The following MPHOSPH10 variants were observed in gnomAD, a reference collection of about 807,000 sequenced individuals.
MPHOSPH10 encodes M-phase phosphoprotein 10, also known as U3 small nucleolar ribonucleoprotein MPP10.
In MPHOSPH10, 33 loss-of-function variants were observed where a neutral mutation model predicts 77.3. The ratio of observed to expected loss-of-function variants is 0.43; its 90% CI spans 0.32 to 0.57. The LOEUF is 0.57. Among genes scored for constraint, MPHOSPH10 ranks in the 20% least tolerant of loss-of-function variants. The probability of loss-of-function intolerance (pLI) is 0.07; values close to 1 mark genes in which losing one functional copy is unlikely to be tolerated. For missense variants in MPHOSPH10, 708 were observed against 780.1 expected (o/e 0.91, Z 1.10); for synonymous variants, 245 against 268.0 (o/e 0.91, Z 0.84).
intron 5 of MPHOSPH10, chr2:71,139,336 A>C (rs1673565559): frequency 1.3e-5 from 2 of 156,786 alleles, no homozygotes; most frequent in African/African-American, 4.8e-5. Context: ...CCTAATGTAT[A>C]GTTTGTAATC....
chr2:71,148,976 C>T (rs1233076101), intron 9 of MPHOSPH10: 3 of 504,046 alleles, frequency 6.0e-6, no homozygotes, highest in Non-Finnish European at 7.0e-6. Context: ...ATGTTGCCTT[C>T]TTGTGAATTA....
chr2:71,131,511 C>T (rs760230773), intron 1 of MPHOSPH10, among the ~76,000 whole-genome samples: 59 of 152,334 alleles, frequency 3.9e-4, no homozygotes, highest in Admixed American at 1.1e-3. Flanking sequence ...CTGTCAAGCG[C>T]GTCTGTGTGA....
Position 71,138,522 on chromosome 2 carries a change from G to T in MPHOSPH10, c.1131G>T (p.Glu377Asp). 6.3e-7 allele frequency: 1 copy of T among 1,597,918 alleles called. No homozygotes were observed. The highest frequency in any genetic ancestry group is 8.5e-7 in the Non-Finnish European group (1 of 1,173,704). ...MNEKIASLEK[E>D]LLEKKPWQLQ... ...AAAAAATTGCATCTTTAGAAAAAGA[G>T]TTGTTAGAAAAAAAGCCGTGGCAGC... is the stretch of plus-strand genomic sequence containing the variant. Residue 377 changes from glutamate (E) to aspartate (D), a missense_variant, in exon 5 of 11, where the codon GAG becomes GAT. Around this residue, in one of 3 missense-constraint regions of MPHOSPH10, gnomAD observed 433 missense variants for 432.6 expected, o/e 1.00. Transcript: ENST00000244230.
intron 6 of MPHOSPH10, among the ~76,000 whole-genome samples, chr2:71,140,881 TG>T (rs1673598103): frequency 6.6e-6 from 1 of 152,102 alleles, no homozygotes; most frequent in Non-Finnish European, 1.5e-5. Context: ...TTAAACAAAC[TG>T]TGATGGGGAA....
chr2:71,147,551 T>C (rs997311365), intron 8 of MPHOSPH10, among the ~76,000 whole-genome samples: 1 of 152,012 alleles, frequency 6.6e-6, no homozygotes, highest in Non-Finnish European at 1.5e-5. Context: ...CAGGCGCCTG[T>C]AGTCCCAGCT....
intron 1 of MPHOSPH10, among the ~76,000 whole-genome samples, chr2:71,131,056 T>A (rs1380445361): frequency 6.6e-6 from 1 of 152,188 alleles, no homozygotes; most frequent in African/African-American, 2.4e-5. Context: ...TGGTTTCTCC[T>A]TCCTCCTATG....
chr2:71,143,146 CTT>C (rs776519742), intron 7 of MPHOSPH10, among the ~76,000 whole-genome samples: 16 of 140,818 alleles, frequency 1.1e-4, no homozygotes, highest in African/African-American at 1.0e-4. Context: ...TCTTTTTTTT[CTT>C]TTTTTTTTTT....
intron 8 of MPHOSPH10, among the ~76,000 whole-genome samples, chr2:71,147,015 T>G (rs1369853310): frequency 6.6e-6 from 1 of 152,228 alleles, no homozygotes; most frequent in African/African-American, 2.4e-5. Context: ...TCAATTAACA[T>G]TGCATTCTTT....
chr2:71,146,526 C>T (rs187953316), intron 8 of MPHOSPH10, among the ~76,000 whole-genome samples: 8 of 152,006 alleles, frequency 5.3e-5, no homozygotes, highest in Admixed American at 2.6e-4. Context: ...TTAGTAGAGA[C>T]GGGGTTTCAC....
intron 4 of MPHOSPH10, among the ~76,000 whole-genome samples, chr2:71,135,619 C>T (rs1258196593): frequency 6.8e-6 from 1 of 147,150 alleles, no homozygotes; most frequent in Non-Finnish European, 1.5e-5. Context: ...TAGCATGTCT[C>T]TCCTGATAAA....
At position 71,133,023 on chromosome 2, in the gene MPHOSPH10, A is replaced by G; in HGVS notation, c.215A>G (p.Asp72Gly). The change falls in exon 2 of 11, where the codon GAT (aspartate) becomes GGT (glycine). Residue 72 changes from aspartate to glycine, a missense_variant. Transcript: ENST00000244230. The part of the protein sequence containing the change: ...PLQKLVIENF[D>G]DEQIWQQLEL... ...CAAAAACTTGTGATAGAAAATTTTGATGATGAGCAGATTTGGCAACAACTG... is the reference window on the plus strand; with the variant it reads ...CAAAAACTTGTGATAGAAAATTTTGGTGATGAGCAGATTTGGCAACAACTG... 2 of 1,614,164 alleles carry G rather than the reference A, an allele frequency of 1.2e-6. No individual in the cohort carries two copies. The highest frequency in any genetic ancestry group is 1.1e-5 in the South Asian group (1 of 91,086).
At chr2:71,137,949 C>T (rs988513087) in intron 4 of MPHOSPH10, among the ~76,000 whole-genome samples, 14 of 152,120 alleles carry the variant, frequency 9.2e-5, no homozygotes, top group Admixed American at 7.9e-4. Flanking sequence ...AAAAATTAGC[C>T]GGGCGTGGTG....
intron 2 of MPHOSPH10, 115 bp from the exon 3 acceptor site, chr2:71,133,833 A>G: frequency 2.3e-6 from 2 of 879,194 alleles, no homozygotes; most frequent in South Asian, 2.3e-5. Context: ...ATTAGCTTGT[A>G]GTGTTATTAA....
At chr2:71,134,181 T>A (rs977060434) in intron 3 of MPHOSPH10, 76 bp downstream of exon 3, 15 of 1,403,868 alleles carry the variant, frequency 1.1e-5, no homozygotes, top group African/African-American at 1.5e-5. Flanking sequence ...AGTTATCAAA[T>A]GTGTTTGTCT....
chr2:71,137,330 A>T (rs1000367572), intron 4 of MPHOSPH10, among the ~76,000 whole-genome samples: 1 of 152,194 alleles, frequency 6.6e-6, no homozygotes, highest in African/African-American at 2.4e-5. Context: ...TTTTAGACGC[A>T]TAGGCCAGTG....
chr2:71,144,470 CAGA>C lies in MPHOSPH10; in HGVS notation c.1493_1495del (p.Lys498del). The C allele has an allele frequency of 1.2e-6, 2 of 1,609,076 alleles. No individual in the cohort carries two copies. Among genetic ancestry groups the C allele is most frequent in the Non-Finnish European group, 8.5e-7 (1 of 1,177,304 alleles). On this transcript the variant is annotated inframe_deletion, in exon 8 of 11. Transcript: ENST00000244230. ...AGAAAATCCAGAACATGTAGAAATT[CAGA>C]AGATGATGGATTCCCTCTTCTTAAA... is the stretch of plus-strand genomic sequence containing the variant.
rs1460687067 is a variant in MPHOSPH10 at position 71,135,540 on chromosome 2, CTG to C, written c.1098+745_1098+746del. Among the ~76,000 whole-genome samples the C allele has an allele frequency of 2.6e-5, 4 of 151,902 alleles. No individual in the cohort carries two copies. The South Asian group carries it at 6.2e-4, about 24-fold the overall frequency. ...CCAGCCTGGGCGACAGAGTGTGACTCTGTCTCAAAAATAAAAAAATTTTTAAA... is the reference window on the plus strand; with the variant it reads ...CCAGCCTGGGCGACAGAGTGTGACTCTCTCAAAAATAAAAAAATTTTTAAA... On this transcript the variant is annotated intron_variant, in intron 4 of 10. Coordinates refer to ENST00000244230, the MANE Select transcript of MPHOSPH10 (RefSeq NM_005791.3).
chr2:71,144,384 A>G (rs1673669529), intron 7 of MPHOSPH10, 44 bp from the exon 8 acceptor site: 2 of 1,391,714 alleles, frequency 1.4e-6, no homozygotes, highest in Non-Finnish European at 2.0e-6. Flanking sequence ...CCTGTGATAT[A>G]TATCAAGTCG....
chr2:71,130,712 C>T lies in MPHOSPH10; in HGVS notation c.47C>T (p.Thr16Met), dbSNP rs1304185153. Residue 16 changes from threonine (T) to methionine (M), a missense_variant, in exon 1 of 11, where the codon ACG (threonine) becomes ATG (methionine). By Grantham distance (81) the Thr-to-Met change is moderately conservative. Coordinates refer to ENST00000244230, the MANE Select transcript of MPHOSPH10 (RefSeq NM_005791.3). ...WRRRTLERCL[T>M]EVGKATGRPE... Reference sequence around the variant, plus strand: ...CGACGGACCCTGGAGCGGTGTCTGACGGAAGTCGGCAAAGCCACGGGTCGG... The same window carrying T: ...CGACGGACCCTGGAGCGGTGTCTGATGGAAGTCGGCAAAGCCACGGGTCGG... The T allele has an allele frequency of 1.2e-6, 2 of 1,610,940 alleles. No homozygotes were observed. The highest frequency in any genetic ancestry group is 1.1e-5 in the South Asian group (1 of 90,814).
Sources: gnomAD v4.1 joint callset for allele counts (sites outside exome capture counted in the v4.1 genomes callset) on GRCh38, gnomAD v4.1.1 for gene constraint, gnomAD v4.1.1 regional missense constraint, MANE v1.5 for transcripts, NCBI Gene and HGNC (gene_info 2026-07-23, HGNC 2026-07-21) for gene names.